The following AKAP6 variants were observed in gnomAD, a reference collection of about 807,000 sequenced individuals.
The protein encoded by AKAP6 is A-kinase anchoring protein 6.
AKAP6 carries 58 observed loss-of-function variants against 188.5 expected under a neutral mutation model. The ratio of observed to expected loss-of-function variants is 0.31; its 90% CI spans 0.25 to 0.38. The LOEUF (loss-of-function observed/expected upper bound fraction) is 0.38, where lower values mean the gene tolerates loss of function less well. AKAP6 is among the 10% of genes least tolerant of loss of function. The pLI, the probability that AKAP6 is intolerant of heterozygous loss-of-function variation, is 1.00. For synonymous variants in AKAP6, 989 were observed against 998.6 expected, an observed-to-expected ratio of 0.99 and a Z score of 0.18; for missense variants, 2,710 against 2,740.0, an observed-to-expected ratio of 0.99 and a Z score of 0.24.
intron 9 of AKAP6, chr14:32,718,299 C>G (rs1392406622): frequency 1.0e-6 from 1 of 985,278 alleles, no homozygotes; most frequent in African/African-American, 1.7e-5. Flanking sequence ...GTCAAGCTTT[C>G]TGAGGCTGCA....
At chr14:32,743,780 A>G (rs1363254969) in intron 11 of AKAP6, among the ~76,000 whole-genome samples, 4 of 152,062 alleles carry the variant, frequency 2.6e-5, no homozygotes, top group African/African-American at 9.7e-5. Context: ...TTGGTTCATC[A>G]TTTAGTCTTT....
At chr14:32,412,643 T>C (rs1257605643) in intron 1 of AKAP6, among the ~76,000 whole-genome samples, 1 of 152,240 alleles carries the variant, frequency 6.6e-6, no homozygotes, top group Non-Finnish European at 1.5e-5. Context: ...GTTATGGCTC[T>C]GTTGAGTTCT....
intron 2 of AKAP6, among the ~76,000 whole-genome samples, chr14:32,494,060 G>T (rs901905592): frequency 1.3e-5 from 2 of 152,162 alleles, no homozygotes; most frequent in Non-Finnish European, 2.9e-5. Context: ...ATCCACTTTG[G>T]TGTTCTCTCT....
Position 32,833,916 on chromosome 14 carries a change from A to G in AKAP6, c.*4111A>G, listed in dbSNP as rs1159149015. On this transcript the variant is annotated 3_prime_UTR_variant, in exon 14 of 14. Coordinates refer to ENST00000280979, the MANE Select transcript of AKAP6 (RefSeq NM_004274.5). ...TACTTGGTACTCATCCCTCAGGTTC[A>G]TTTATTGTTAATATTTCACCATATT... 1 of 152,190 alleles carries G rather than the reference A, an allele frequency of 6.6e-6. No homozygotes were observed. The highest frequency in any genetic ancestry group is 1.5e-5 in the Non-Finnish European group (1 of 68,030). 9.4% of individuals were successfully genotyped at this position (152,190 alleles called of 1,614,324 possible). A position where few individuals can be genotyped will look rare whatever the true frequency, so the allele number is the denominator to read the frequency against.
chr14:32,475,421 TGTTA>T (rs1217952306), intron 2 of AKAP6, among the ~76,000 whole-genome samples: 1 of 152,198 alleles, frequency 6.6e-6, no homozygotes, highest in African/African-American at 2.4e-5. Flanking sequence ...TTTTAGTGAA[TGTTA>T]GTTTTTGTTG....
rs762276812 is a variant in AKAP6 at position 32,824,751 on chromosome 14, G to A, written c.6938G>A (p.Arg2313Gln). ...EENLLNLHEK[R>Q]HRNMHR is the part of the protein sequence containing the mutation. ...AATCTTCTAAACCTTCATGAAAAAC[G>A]ACATAGAAATATGCATAGGTAGAAT... The change falls in exon 13 of 14, where the codon CGA becomes CAA. Residue 2313 changes from arginine (R) to glutamine (Q), a missense_variant. By Grantham distance (43) the Arg-to-Gln change is conservative (BLOSUM62 1). Transcript: ENST00000280979. 6.8e-6 allele frequency: 11 copies of A among 1,612,200 alleles called. No homozygotes were observed. Among genetic ancestry groups the A allele is most frequent in the Middle Eastern group, 1.6e-4 (1 of 6,068 alleles).
intron 2 of AKAP6, among the ~76,000 whole-genome samples, chr14:32,535,055 C>G (rs563219625): frequency 2.0e-5 from 3 of 151,438 alleles, no homozygotes; most frequent in African/African-American, 7.3e-5. Context: ...TGACAATTGC[C>G]CCTTACATCA....
intron 12 of AKAP6, among the ~76,000 whole-genome samples, chr14:32,804,496 T>C (rs1343617633): frequency 6.6e-6 from 1 of 152,168 alleles, no homozygotes; most frequent in African/African-American, 2.4e-5. Flanking sequence ...AAAGATCACA[T>C]GCTTCAAAGG....
At chr14:32,383,825 C>G (rs1379582583) in intron 1 of AKAP6, among the ~76,000 whole-genome samples, 2 of 152,180 alleles carry the variant, frequency 1.3e-5, no homozygotes, top group African/African-American at 4.8e-5. Context: ...CGGTCATCAT[C>G]TGTTCCAATC....
At chr14:32,580,057 A>G (rs1374566586) in intron 5 of AKAP6, among the ~76,000 whole-genome samples, 2 of 152,172 alleles carry the variant, frequency 1.3e-5, no homozygotes, top group Non-Finnish European at 2.9e-5. Flanking sequence ...AAAGAAAAAT[A>G]TAAAAATCAT....
chr14:32,520,366 T>C (rs1881759945), intron 2 of AKAP6, among the ~76,000 whole-genome samples: 1 of 151,960 alleles, frequency 6.6e-6, no homozygotes, highest in African/African-American at 2.4e-5. Context: ...CTGAAGGAGA[T>C]AGAGACACAA....
At chr14:32,589,831 A>G (rs1327992731) in intron 5 of AKAP6, among the ~76,000 whole-genome samples, 2 of 152,144 alleles carry the variant, frequency 1.3e-5, no homozygotes, top group Non-Finnish European at 2.9e-5. Context: ...ATTGAAGAAA[A>G]AGTTTACAGA....
intron 7 of AKAP6, among the ~76,000 whole-genome samples, chr14:32,645,413 G>A (rs1360463074): frequency 6.6e-6 from 1 of 151,868 alleles, no homozygotes; most frequent in Non-Finnish European, 1.5e-5. Flanking sequence ...TTCATAACTG[G>A]GCTCCTCTTG....
rs139259358 is a variant in AKAP6 at position 32,498,956 on chromosome 14, C to T, written c.325-36598C>T. On this transcript the variant is annotated intron_variant, in intron 2 of 13. Coordinates refer to ENST00000280979, the MANE Select transcript of AKAP6 (RefSeq NM_004274.5). ...CTTCAATAATTTTTTTTTTTTGGTC[C>T]ATGTCTGGGGTTTTACTGGAACCCT... Among the ~76,000 whole-genome samples, 80 of 151,022 alleles carry T rather than the reference C, an allele frequency of 5.3e-4. 1 individual carries two copies. The highest frequency in any genetic ancestry group is 1.6e-3 in the African/African-American group (67 of 41,208).
rs768153905 is a variant in AKAP6 at position 32,824,026 on chromosome 14, A to G, written c.6213A>G (p.Leu2071=). The G allele has an allele frequency of 6.2e-7, 1 of 1,613,904 alleles. No homozygotes were observed. ...KEIIDMASTA[L]KSKSQPENEV... Reference sequence around the variant, plus strand: ...TCATTGACATGGCTTCGACAGCCCTAAAAAGTAAATCTCAACCTGAAAACG... The same window carrying G: ...TCATTGACATGGCTTCGACAGCCCTGAAAAGTAAATCTCAACCTGAAAACG... Residue 2071 remains leucine (L), a synonymous_variant, in exon 13 of 14, where the codon CTA becomes CTG. Coordinates refer to ENST00000280979, the MANE Select transcript of AKAP6 (RefSeq NM_004274.5).
chr14:32,490,365 A>G (rs916723744), intron 2 of AKAP6, among the ~76,000 whole-genome samples: 1 of 152,210 alleles, frequency 6.6e-6, no homozygotes, highest in South Asian at 2.1e-4. Flanking sequence ...AACACTTTTT[A>G]AAAATTAATA....
At chr14:32,720,337 T>C (rs2030466092) in intron 9 of AKAP6, among the ~76,000 whole-genome samples, 1 of 152,230 alleles carries the variant, frequency 6.6e-6, no homozygotes, top group Non-Finnish European at 1.5e-5. Context: ...TAAAGGCAAG[T>C]GAATATTTAT....
chr14:32,812,972 C>T (rs1048362807), intron 12 of AKAP6, among the ~76,000 whole-genome samples: 23 of 152,246 alleles, frequency 1.5e-4, no homozygotes, highest in Non-Finnish European at 3.1e-4. Flanking sequence ...GCTGGGTGTT[C>T]TACTATTTAA....
chr14:32,604,082 A>G (rs990563183), intron 7 of AKAP6, among the ~76,000 whole-genome samples: 1 of 152,210 alleles, frequency 6.6e-6, no homozygotes, highest in Non-Finnish European at 1.5e-5. Context: ...GAGAAAACCA[A>G]ACAAAAACCC....
Sources: allele counts gnomAD v4.1 joint callset (sites outside exome capture counted in the v4.1 genomes callset), GRCh38; gene constraint gnomAD v4.1.1; transcripts MANE v1.5; gene names NCBI Gene and HGNC (gene_info 2026-07-23, HGNC 2026-07-21).